PPARG: variants seen among roughly 807,000 people sequenced by gnomAD.
The protein encoded by PPARG is peroxisome proliferator-activated receptor gamma.
In PPARG, 17 loss-of-function variants were observed where a neutral mutation model predicts 39.2. The ratio of observed to expected loss-of-function variants is 0.43; its 90% confidence interval spans 0.30 to 0.65. The LOEUF is 0.65. PPARG is among the 30% of genes least tolerant of loss of function. The pLI is 0.13. For missense variants in PPARG, 406 were observed against 585.9 expected, an observed-to-expected ratio of 0.69 and a Z score of 3.17; for synonymous variants, 223 against 215.7, an observed-to-expected ratio of 1.03 and a Z score of -0.30.
chr3:12,314,898 T>C (rs76406957), intron 2 of PPARG, among the ~76,000 whole-genome samples: 1 of 152,210 alleles, frequency 6.6e-6, no homozygotes, highest in South Asian at 2.1e-4. Flanking sequence ...GTGCATACAA[T>C]GTGTAATGAT....
chr3:12,383,963 A>T (rs1244188101), intron 4 of PPARG, among the ~76,000 whole-genome samples: 2 of 152,120 alleles, frequency 1.3e-5, no homozygotes, highest in Non-Finnish European at 2.9e-5. Context: ...GGAGTCCTTA[A>T]CCTATCATAG....
chr3:12,373,787 G>A (rs1180438358), intron 2 of PPARG, among the ~76,000 whole-genome samples: 1 of 152,168 alleles, frequency 6.6e-6, no homozygotes, highest in Non-Finnish European at 1.5e-5. Flanking sequence ...CTGAGTTAAA[G>A]GAGGAGGTAC....
At position 12,366,150 on chromosome 3, in the gene PPARG, C is replaced by T. The variant is rs146702881; in HGVS notation, c.-8-13554C>T. On this transcript the variant is annotated intron_variant, in intron 2 of 7. Coordinates refer to ENST00000651735, the MANE Select transcript of PPARG (RefSeq NM_138711.6). ...ATTTATACTTAAGTATTTTACTTTT[C>T]GGGGTGCTAATGTAAAACAAAACAG... 3.4e-3 allele frequency among the ~76,000 whole-genome samples: 516 copies of T among 151,938 alleles called. 2 individuals are homozygous for T. Among genetic ancestry groups the T allele is most frequent in the Middle Eastern group, 6.8e-3 (2 of 294 alleles).
chr3:12,326,046 A>G (rs986142942), intron 2 of PPARG, among the ~76,000 whole-genome samples: 4 of 152,194 alleles, frequency 2.6e-5, no homozygotes, highest in African/African-American at 9.7e-5. Context: ...AGAAAAAGAA[A>G]ACCACAAGAA....
intron 1 of PPARG, among the ~76,000 whole-genome samples, chr3:12,307,828 G>T (rs1318175205): frequency 6.6e-6 from 1 of 152,140 alleles, no homozygotes; most frequent in Non-Finnish European, 1.5e-5. Context: ...TTTTAATTTT[G>T]CAGAGAATGA....
chr3:12,308,593 C>A (rs2047142837), intron 1 of PPARG, among the ~76,000 whole-genome samples: 1 of 152,074 alleles, frequency 6.6e-6, no homozygotes, highest in African/African-American at 2.4e-5. Flanking sequence ...ATACACAAAG[C>A]ATACCACTTC....
At chr3:12,307,893 G>A (rs2047116551) in intron 1 of PPARG, among the ~76,000 whole-genome samples, 1 of 152,170 alleles carries the variant, frequency 6.6e-6, no homozygotes, top group South Asian at 2.1e-4. Context: ...CAAGAGAGGA[G>A]TTGTGTTTAG....
chr3:12,416,688 C>T lies in PPARG; in HGVS notation c.730-16C>T. On this transcript the variant is annotated splice_polypyrimidine_tract_variant and intron_variant, in intron 6 of 7. Coordinates refer to ENST00000651735, the MANE Select transcript of PPARG (RefSeq NM_138711.6). Reference sequence around the variant, plus strand: ...AAATCTCCAAGTCATCCACGTTTTCCCTGTTTTATTTGCAGCCATTCGTTA... The same window carrying T: ...AAATCTCCAAGTCATCCACGTTTTCTCTGTTTTATTTGCAGCCATTCGTTA... 2 of 1,609,454 alleles carry T rather than the reference C, an allele frequency of 1.2e-6. No individual in the cohort carries two copies. Among genetic ancestry groups the T allele is most frequent in the Non-Finnish European group, 1.7e-6 (2 of 1,176,852 alleles).
intron 7 of PPARG, among the ~76,000 whole-genome samples, chr3:12,433,610 T>G (rs1194735641): frequency 6.6e-6 from 1 of 151,972 alleles, no homozygotes; most frequent in Non-Finnish European, 1.5e-5. Context: ...GAAACTTCAT[T>G]TGGGGAACAG....
chr3:12,372,355 G>A (rs909515515), intron 2 of PPARG, among the ~76,000 whole-genome samples: 5 of 152,160 alleles, frequency 3.3e-5, no homozygotes, highest in African/African-American at 1.2e-4. Context: ...CAGACCATCT[G>A]GATTCAATGC....
intron 2 of PPARG, among the ~76,000 whole-genome samples, chr3:12,373,975 C>T (rs2049314334): frequency 6.6e-6 from 1 of 152,096 alleles, no homozygotes; most frequent in Non-Finnish European, 1.5e-5. Context: ...CTAAAAGAGG[C>T]AGGGCATGTT....
chr3:12,407,000 T>C (rs2050696478), intron 6 of PPARG, among the ~76,000 whole-genome samples: 1 of 152,166 alleles, frequency 6.6e-6, no homozygotes, highest in Admixed American at 6.5e-5. Flanking sequence ...GGGTTGTAAT[T>C]GTTACTGAGT....
intron 2 of PPARG, among the ~76,000 whole-genome samples, chr3:12,323,302 A>G (rs979160804): frequency 6.6e-6 from 1 of 152,220 alleles, no homozygotes; most frequent in African/African-American, 2.4e-5. Context: ...AAGTTAGGTG[A>G]CCAGACCTCG....
chr3:12,372,226 C>A, intron 2 of PPARG: 1 of 702,878 alleles, frequency 1.4e-6, no homozygotes. Flanking sequence ...TATAGGTATT[C>A]ATGAAGATTT....
intron 1 of PPARG, among the ~76,000 whole-genome samples, chr3:12,307,796 C>A (rs547972615): frequency 6.6e-6 from 1 of 152,234 alleles, no homozygotes; most frequent in South Asian, 2.1e-4. Context: ...TTTTGAAAGA[C>A]CCCGGTAAAG....
chr3:12,389,801 GCC>G (rs2050005558), intron 4 of PPARG, among the ~76,000 whole-genome samples: 1 of 152,156 alleles, frequency 6.6e-6, no homozygotes, highest in Non-Finnish European at 1.5e-5. Context: ...GAAGGCTGAG[GCC>G]CAAGAATCGC....
intron 2 of PPARG, among the ~76,000 whole-genome samples, chr3:12,359,674 C>CTTTTTTTTTTTTTTTTTTTTTTTT (rs71628752): frequency 1.5e-5 from 2 of 129,850 alleles, no homozygotes; most frequent in African/African-American, 5.8e-5. Context: ...TCTTTTATTT[C>CTTTTTTTTTTTTTTTTTTTTTTTT]TTTTTTTTTT....
intron 7 of PPARG, among the ~76,000 whole-genome samples, chr3:12,421,712 G>A (rs1016238320): frequency 1.3e-5 from 2 of 152,282 alleles, no homozygotes; most frequent in South Asian, 2.1e-4. Context: ...AATTGCCATC[G>A]CCGTCCTAAT....
chr3:12,398,264 G>A (rs1256929712), intron 5 of PPARG, among the ~76,000 whole-genome samples: 1 of 152,088 alleles, frequency 6.6e-6, no homozygotes, highest in East Asian at 1.9e-4. Flanking sequence ...ATAAGACATT[G>A]AGAAGGGTGA....
Sources: allele counts gnomAD v4.1 joint callset (sites outside exome capture counted in the v4.1 genomes callset), GRCh38; gene constraint gnomAD v4.1.1; transcripts MANE v1.5; gene names NCBI Gene and HGNC (gene_info 2026-07-23, HGNC 2026-07-21).